PPP4R1: variants seen among roughly 807,000 people sequenced by gnomAD.
The protein encoded by PPP4R1 is serine/threonine-protein phosphatase 4 regulatory subunit 1.
In PPP4R1, 42 loss-of-function variants were observed where a neutral mutation model predicts 111.2. The ratio of observed to expected loss-of-function variants is 0.38; its 90% CI spans 0.29 to 0.49. The LOEUF is 0.49. Ranked by LOEUF, PPP4R1 falls within the 20% of genes least tolerant of loss-of-function variation. The pLI is 0.97. For synonymous variants in PPP4R1, 409 were observed against 405.5 expected (o/e 1.01, Z -0.10); for missense variants, 1,012 against 1,161.6 (o/e 0.87, Z 1.87).
intron 2 of PPP4R1, among the ~76,000 whole-genome samples, chr18:9,608,193 T>C (rs1011041556): frequency 1.5e-4 from 23 of 152,186 alleles, no homozygotes; most frequent in African/African-American, 5.1e-4. Context: ...GCAGCTTTAT[T>C]TGTAACAGCA....
chr18:9,616,481 C>T (rs909874592), upstream of PPP4R1, among the ~76,000 whole-genome samples: 23 of 151,876 alleles, frequency 1.5e-4, no homozygotes, highest in African/African-American at 5.6e-4. Flanking sequence ...ACTGTGTTGC[C>T]CAGGTGGGTC....
intron 2 of PPP4R1, among the ~76,000 whole-genome samples, chr18:9,609,402 A>C (rs190637426): frequency 6.6e-6 from 1 of 152,282 alleles, no homozygotes; most frequent in Admixed American, 6.5e-5. Context: ...AAGGACTCTA[A>C]GCTTATCAGA....
Position 9,547,766 on chromosome 18 carries a change from A to C in PPP4R1, c.*23T>G. 2 of 1,611,314 alleles carry C rather than the reference A, an allele frequency of 1.2e-6. No individual in the cohort carries two copies. The highest frequency in any genetic ancestry group is 1.7e-6 in the Non-Finnish European group (2 of 1,179,074). On this transcript the variant is annotated 3_prime_UTR_variant, in exon 20 of 20. Coordinates refer to ENST00000400556, the MANE Select transcript of PPP4R1 (RefSeq NM_001042388.3). ...GAACCTCGGCTCTCATGGAAGCAGG[A>C]AAGACACCGAGATTCAAGCCTTCTA...
intron 11 of PPP4R1, among the ~76,000 whole-genome samples, chr18:9,564,761 C>G (rs1056970589): frequency 6.7e-6 from 1 of 148,924 alleles, no homozygotes; most frequent in African/African-American, 2.5e-5. Flanking sequence ...CCCATCCATT[C>G]TGTTCCCTGG....
chr18:9,558,451 G>A (rs568462447), intron 14 of PPP4R1, among the ~76,000 whole-genome samples: 1 of 152,320 alleles, frequency 6.6e-6, no homozygotes, highest in African/African-American at 2.4e-5. Flanking sequence ...TCCATGACCA[G>A]ATGCAGCACT....
chr18:9,568,368 A>G (rs1407610394), intron 11 of PPP4R1, among the ~76,000 whole-genome samples: 1 of 152,198 alleles, frequency 6.6e-6, no homozygotes, highest in East Asian at 1.9e-4. Context: ...CTCTATTGCA[A>G]TATTTGCTCT....
chr18:9,607,452 T>C (rs2067500635), intron 2 of PPP4R1, among the ~76,000 whole-genome samples: 2 of 151,982 alleles, frequency 1.3e-5, no homozygotes, highest in African/African-American at 4.8e-5. Context: ...TGTATATGTC[T>C]TAAGTATCTG....
rs562024032 is a variant in PPP4R1 at position 9,574,486 on chromosome 18, ATTT to A, written c.1046+2575_1046+2577del. 2.1e-4 allele frequency among the ~76,000 whole-genome samples: 32 copies of A among 152,258 alleles called. No homozygotes were observed. In the East Asian group the frequency reaches 6.2e-3, roughly 29 times the overall value. ...AAATATTTCCAAATTTGTGCTAATA[ATTT>A]TTTTTCATATAGTTAGCATTAAGCT... On this transcript the variant is annotated intron_variant, in intron 10 of 19. Coordinates refer to ENST00000400556, the MANE Select transcript of PPP4R1 (RefSeq NM_001042388.3).
chr18:9,611,325 C>T (rs770804591), intron 2 of PPP4R1, among the ~76,000 whole-genome samples: 3 of 152,064 alleles, frequency 2.0e-5, no homozygotes, highest in South Asian at 2.1e-4. Flanking sequence ...CTCAGGCTCA[C>T]GAGATAACAA....
Position 9,557,257 on chromosome 18 carries a change from C to T in PPP4R1, c.2154G>A (p.Arg718=), listed in dbSNP as rs772739844. 32 of 1,609,828 alleles carry T rather than the reference C, an allele frequency of 2.0e-5. No homozygotes were observed. The highest frequency in any genetic ancestry group is 1.9e-5 in the Non-Finnish European group (22 of 1,178,856). The change falls in exon 15 of 20, where the codon AGG becomes AGA. Residue 718 remains arginine, a synonymous_variant. Transcript: ENST00000400556. ...NGFLKDLDEV[R]IGVLKHLHDF... ...CATGCAAGTGTTTAAGAACACCTAT[C>T]CTGACTTCATCGAGGTCTTTTAAAA...
intron 2 of PPP4R1, among the ~76,000 whole-genome samples, chr18:9,611,965 C>T (rs1158345390): frequency 6.6e-6 from 1 of 151,760 alleles, no homozygotes; most frequent in Non-Finnish European, 1.5e-5. Context: ...GAGCCGAGAT[C>T]GCGCCATTTT....
intron 14 of PPP4R1, 27 bp from the exon 15 acceptor site, chr18:9,557,409 G>A (rs770016395): frequency 6.4e-7 from 1 of 1,569,850 alleles, no homozygotes; most frequent in African/African-American, 1.4e-5. Context: ...ACATTAGTAA[G>A]CTAACCACAA....
chr18:9,579,500 T>C (rs1180785203), intron 9 of PPP4R1, among the ~76,000 whole-genome samples: 1 of 149,526 alleles, frequency 6.7e-6, no homozygotes, highest in African/African-American at 2.5e-5. Flanking sequence ...TGCACCTAAA[T>C]AGGCATAGGA....
At chr18:9,603,819 C>T (rs149872078) in intron 2 of PPP4R1, among the ~76,000 whole-genome samples, 6 of 151,846 alleles carry the variant, frequency 4.0e-5, no homozygotes, top group African/African-American at 1.4e-4. Context: ...ATTTTTGGTG[C>T]AAAGAAATGT....
chr18:9,570,166 C>T lies in PPP4R1; in HGVS notation c.1564G>A (p.Asp522Asn), dbSNP rs748425368. 6.0e-6 allele frequency: 9 copies of T among 1,511,882 alleles called. No homozygotes were observed. The highest frequency in any genetic ancestry group is 8.0e-6 in the Non-Finnish European group (9 of 1,130,790). 93.7% of individuals were successfully genotyped at this position (1,511,882 alleles called of 1,614,324 possible). A position where few individuals can be genotyped will look rare whatever the true frequency, so the allele number is the denominator to read the frequency against. ...ENLEPHIDDP[D>N]VKAQVEVLSA... ...TGATTGACTTCCATACCTTTAACATCTGGATCATCAATGTGGGGCTCTAGA... is the reference window on the plus strand; with the variant it reads ...TGATTGACTTCCATACCTTTAACATTTGGATCATCAATGTGGGGCTCTAGA... Residue 522 changes from aspartate (D) to asparagine (N), a missense_variant, in exon 11 of 20, where the codon GAT becomes AAT. Coordinates refer to ENST00000400556, the MANE Select transcript of PPP4R1 (RefSeq NM_001042388.3).
intron 13 of PPP4R1, among the ~76,000 whole-genome samples, 185 bp downstream of exon 13, chr18:9,561,795 G>C (rs912277945): frequency 6.6e-6 from 1 of 152,136 alleles, no homozygotes; most frequent in Non-Finnish European, 1.5e-5. Context: ...CACAGAGGTA[G>C]AAAAGGGAAG....
At chr18:9,581,422 A>G (rs1427501171) in intron 9 of PPP4R1, among the ~76,000 whole-genome samples, 4 of 152,216 alleles carry the variant, frequency 2.6e-5, no homozygotes, top group African/African-American at 9.6e-5. Context: ...TGAAAAGTGC[A>G]ATGACTAAAA....
rs2066453054 is a variant in PPP4R1, at chr18:9,549,426, A to C, written c.2548-88T>G. 12 of 1,488,840 alleles carry C rather than the reference A, an allele frequency of 8.1e-6. No homozygotes were observed. In the Admixed American group the frequency reaches 2.4e-4, roughly 30 times the overall value. The allele number at this position is 1,488,840 out of a possible 1,614,324, so 92.2% of individuals were successfully genotyped here. A position where few individuals can be genotyped will look rare whatever the true frequency, so the allele number is the denominator to read the frequency against. ...GCTAACAAAATCTCTGAGTGACCAC[A>C]GGTACAAATTTTAGTTATTGCTTTT... On this transcript the variant is annotated intron_variant, in intron 18 of 19. Coordinates refer to ENST00000400556, the MANE Select transcript of PPP4R1 (RefSeq NM_001042388.3).
intron 11 of PPP4R1, among the ~76,000 whole-genome samples, chr18:9,568,429 T>C (rs1249956031): frequency 6.6e-6 from 1 of 152,218 alleles, no homozygotes; most frequent in Non-Finnish European, 1.5e-5. Flanking sequence ...TATGCTGTTA[T>C]TTGTATTGAA....
Sources: allele counts gnomAD v4.1 joint callset (sites outside exome capture counted in the v4.1 genomes callset), GRCh38; gene constraint gnomAD v4.1.1; transcripts MANE v1.5; gene names NCBI Gene and HGNC (gene_info 2026-07-23, HGNC 2026-07-21).